The following RIMS2 variants were observed in gnomAD, a reference collection of about 807,000 sequenced individuals.
RIMS2 encodes regulating synaptic membrane exocytosis 2, also known as regulating synaptic membrane exocytosis protein 2.
Under a neutral mutation model 174.4 loss-of-function variants are expected in RIMS2, and 59 were observed. That is an observed-to-expected ratio of 0.34 (90% CI 0.27 to 0.42). The LOEUF is 0.42. RIMS2 is among the 10% of genes least tolerant of loss of function. RIMS2 has a pLI of 1.00. For missense variants in RIMS2, 1,620 were observed against 1,666.3 expected (o/e 0.97, Z 0.48); for synonymous variants, 606 against 572.5 (o/e 1.06, Z -0.84).
intron 2 of RIMS2, 138 bp downstream of exon 4, chr8:103,697,434 C>G (rs2097116353): frequency 1.4e-6 from 1 of 717,890 alleles, no homozygotes. Context: ...TGTGGCCAGA[C>G]ACGATGGCTC....
intron 2 of RIMS2, among the ~76,000 whole-genome samples, chr8:103,706,492 G>T (rs998002814): frequency 5.3e-5 from 8 of 152,000 alleles, no homozygotes; most frequent in African/African-American, 1.9e-4. Context: ...AGGTCTAGTG[G>T]TAATGAATTC....
intron 1 of RIMS2, among the ~76,000 whole-genome samples, chr8:103,564,618 T>G (rs1358778417): frequency 6.6e-6 from 1 of 152,104 alleles, no homozygotes; most frequent in Admixed American, 6.5e-5. Context: ...GAGTCCAGTG[T>G]TTGAGGGCAG....
chr8:103,788,867 A>C (rs1592397532), intron 3 of RIMS2, among the ~76,000 whole-genome samples: 1 of 151,424 alleles, frequency 6.6e-6, no homozygotes, highest in Non-Finnish European at 1.5e-5. Context: ...CCCCTCCCCC[A>C]GCCTCGCCGC....
At chr8:103,939,528 G>T (rs1247651587) in intron 13 of RIMS2, among the ~76,000 whole-genome samples, 1 of 152,222 alleles carries the variant, frequency 6.6e-6, no homozygotes, top group Non-Finnish European at 1.5e-5. Flanking sequence ...CTGCCGTGAA[G>T]ACCTCTGACA....
At chr8:103,726,984 A>G (rs1418477622) in intron 2 of RIMS2, among the ~76,000 whole-genome samples, 2 of 151,194 alleles carry the variant, frequency 1.3e-5, no homozygotes. Context: ...TGATCTGCCC[A>G]CCTCAGCCTC....
At chr8:103,689,640 C>G (rs1341341712) in intron 1 of RIMS2, among the ~76,000 whole-genome samples, 1 of 152,054 alleles carries the variant, frequency 6.6e-6, no homozygotes, top group South Asian at 2.1e-4. Context: ...TAATTTTTGT[C>G]TTGAAATCTA....
chr8:103,772,098 A>G (rs1411776039), intron 3 of RIMS2, among the ~76,000 whole-genome samples: 1 of 152,060 alleles, frequency 6.6e-6, no homozygotes, highest in East Asian at 1.9e-4. Context: ...AAAAATAAAA[A>G]TAATATTCAA....
chr8:103,910,522 G>A (rs779205667), intron 5 of RIMS2: 2 of 1,586,576 alleles, frequency 1.3e-6, no homozygotes, highest in African/African-American at 2.7e-5. Context: ...CATAGCCATA[G>A]TGATAAGGTA....
intron 1 of RIMS2, among the ~76,000 whole-genome samples, chr8:103,513,156 T>G (rs1827376498): frequency 6.6e-6 from 1 of 152,190 alleles, no homozygotes; most frequent in South Asian, 2.1e-4. Context: ...AGTCGGCAAG[T>G]GCTCTGGGTG....
intron 19 of RIMS2, among the ~76,000 whole-genome samples, chr8:104,165,879 G>C (rs575322698): frequency 1.3e-5 from 2 of 151,870 alleles, no homozygotes; most frequent in Non-Finnish European, 2.9e-5. Context: ...AAATGGTGTC[G>C]TGCAGGCACT....
chr8:103,571,504 A>C (rs537690895), intron 1 of RIMS2, among the ~76,000 whole-genome samples: 13 of 152,238 alleles, frequency 8.5e-5, no homozygotes, highest in Admixed American at 2.6e-4. Flanking sequence ...GACAGCAAAT[A>C]ATGAAAACCT....
intron 19 of RIMS2, among the ~76,000 whole-genome samples, chr8:104,147,496 A>G (rs2441863): frequency 0.16 from 24,322 of 152,080 alleles, 2,935 homozygotes; most frequent in East Asian, 0.57. Context: ...CTGGAAGACA[A>G]AGATATTGAA....
At chr8:104,199,611 G>T (rs972040393) in intron 19 of RIMS2, among the ~76,000 whole-genome samples, 1 of 152,198 alleles carries the variant, frequency 6.6e-6, no homozygotes, top group African/African-American at 2.4e-5. Context: ...ATGAGTAAGA[G>T]AAAGGAATTT....
At chr8:104,076,098 A>T (rs1027232484) in intron 19 of RIMS2, among the ~76,000 whole-genome samples, 3 of 152,238 alleles carry the variant, frequency 2.0e-5, no homozygotes, top group African/African-American at 7.2e-5. Flanking sequence ...AATCCAGGTT[A>T]TTAAGCTAGC....
At chr8:104,139,100 T>C (rs1231176232) in intron 19 of RIMS2, among the ~76,000 whole-genome samples, 1 of 152,122 alleles carries the variant, frequency 6.6e-6, no homozygotes, top group Non-Finnish European at 1.5e-5. Context: ...GTTTCTGGGA[T>C]CTCTTTTGTG....
chr8:104,113,561 T>C (rs2098230418), intron 19 of RIMS2, among the ~76,000 whole-genome samples: 3 of 152,032 alleles, frequency 2.0e-5, no homozygotes, highest in Non-Finnish European at 4.4e-5. Flanking sequence ...TCACGGTTCT[T>C]AAAACATGAA....
chr8:103,931,598 A>G (rs2079961392), intron 12 of RIMS2, among the ~76,000 whole-genome samples: 1 of 152,140 alleles, frequency 6.6e-6, no homozygotes, highest in South Asian at 2.1e-4. Flanking sequence ...GATTTTGAAT[A>G]TTAATTTTAG....
chr8:103,786,919 G>A (rs2098449462), intron 3 of RIMS2, among the ~76,000 whole-genome samples: 1 of 151,648 alleles, frequency 6.6e-6, no homozygotes, highest in South Asian at 2.1e-4. Context: ...TCTCTTTGTA[G>A]GTCACTCACG....
At chr8:104,016,780 A>G (rs2095921567) in intron 19 of RIMS2, among the ~76,000 whole-genome samples, 1 of 152,060 alleles carries the variant, frequency 6.6e-6, no homozygotes, top group Non-Finnish European at 1.5e-5. Flanking sequence ...ATTGAAATAT[A>G]AGTAGCTCTA....
Sources: gnomAD v4.1 joint callset for allele counts (sites outside exome capture counted in the v4.1 genomes callset) on GRCh38, gnomAD v4.1.1 for gene constraint, MANE v1.5 for transcripts, NCBI Gene and HGNC (gene_info 2026-07-23, HGNC 2026-07-21) for gene names.